The following WASHC3 variants were observed in gnomAD, a reference collection of about 807,000 sequenced individuals.
WASHC3 encodes WASH complex subunit CCDC53.
In WASHC3, 24 loss-of-function variants were observed where a neutral mutation model predicts 26.1. The ratio of observed to expected loss-of-function variants is 0.92; its 90% CI spans 0.66 to 1.29. The LOEUF is 1.29. Among genes scored for constraint, WASHC3 ranks in the 50% most tolerant of loss-of-function variants. The pLI is 0.00. For missense variants in WASHC3, 214 were observed against 229.6 expected, an observed-to-expected ratio of 0.93 and a Z score of 0.44; for synonymous variants, 77 against 75.7, an observed-to-expected ratio of 1.02 and a Z score of -0.09.
chr12:102,062,101 C>T, upstream of WASHC3: 1 of 668,548 alleles, frequency 1.5e-6, no homozygotes, highest in South Asian at 1.9e-5. Flanking sequence ...AGCTTCTCCG[C>T]TCACTAATCA....
chr12:102,042,146 T>C (rs964419022), intron 4 of WASHC3, among the ~76,000 whole-genome samples: 1 of 152,176 alleles, frequency 6.6e-6, no homozygotes, highest in Non-Finnish European at 1.5e-5. Context: ...ATATTCTTTA[T>C]AGACGCTTTA....
rs1876543003 is a variant in WASHC3 at position 102,013,027 on chromosome 12, C to T, written c.*81G>A. On this transcript the variant is annotated 3_prime_UTR_variant, in exon 7 of 7. Transcript: ENST00000240079. ...ATGTGGCCATTTGATGTTTTTATGA[C>T]TAAGAGAGTTCAGGCTCAATCTCTT... The T allele has an allele frequency of 4.6e-6, 3 of 646,138 alleles. No homozygotes were observed. Among genetic ancestry groups the T allele is most frequent in the East Asian group, 2.9e-5 (1 of 34,388 alleles). The allele number at this position is 646,138 out of a possible 1,614,324, so 40.0% of individuals were successfully genotyped here.
At chr12:102,014,286 T>C (rs1876607920) in intron 6 of WASHC3, among the ~76,000 whole-genome samples, 1 of 151,886 alleles carries the variant, frequency 6.6e-6, no homozygotes, top group Non-Finnish European at 1.5e-5. Context: ...TTGGCCAGGA[T>C]GGTCTTGATC....
At chr12:102,060,799 T>C (rs1333025050) in intron 2 of WASHC3, among the ~76,000 whole-genome samples, 1 of 151,370 alleles carries the variant, frequency 6.6e-6, no homozygotes, top group East Asian at 2.0e-4. Context: ...CTACTAAATA[T>C]AAAAAATTAG....
At chr12:102,058,441 T>C (rs1878675960) in intron 2 of WASHC3, among the ~76,000 whole-genome samples, 1 of 152,136 alleles carries the variant, frequency 6.6e-6, no homozygotes, top group Non-Finnish European at 1.5e-5. Flanking sequence ...AAGAAGTTTG[T>C]AGAATCTGGA....
intron 2 of WASHC3, among the ~76,000 whole-genome samples, chr12:102,052,463 C>T (rs1878430676): frequency 6.6e-6 from 1 of 152,204 alleles, no homozygotes; most frequent in Non-Finnish European, 1.5e-5. Context: ...CCCACTGGGA[C>T]CGTAGGTTCC....
In WASHC3 at chr12:102,030,017, C is replaced by T. The variant is rs1033661184; in HGVS notation, c.436-3979G>A. On this transcript the variant is annotated intron_variant, in intron 5 of 6. Transcript: ENST00000240079. ...TATTTAAAAAATACTTTACTGAGGC[C>T]GGGCGCAGTGGTTCATGCCTGTAAT... Among the ~76,000 whole-genome samples the T allele has an allele frequency of 4.6e-5, 7 of 152,154 alleles. No homozygotes were observed. The East Asian group carries it at 1.2e-3, about 25-fold the overall frequency.
chr12:102,013,585 G>A (rs1876574808), intron 6 of WASHC3, among the ~76,000 whole-genome samples: 1 of 152,110 alleles, frequency 6.6e-6, no homozygotes, highest in Non-Finnish European at 1.5e-5. Context: ...GAAAAGAAAA[G>A]GAAATGCTTC....
intron 4 of WASHC3, among the ~76,000 whole-genome samples, chr12:102,042,428 G>A (rs186701063): frequency 4.9e-4 from 75 of 152,180 alleles, no homozygotes; most frequent in African/African-American, 1.7e-3. Context: ...TTGAATACAG[G>A]TACTGAAAAC....
At chr12:102,034,161 C>A (rs1877554013) in intron 5 of WASHC3, among the ~76,000 whole-genome samples, 1 of 151,960 alleles carries the variant, frequency 6.6e-6, no homozygotes, top group African/African-American at 2.4e-5. Context: ...TATCTATATC[C>A]CCCTGAACCC....
intron 5 of WASHC3, among the ~76,000 whole-genome samples, chr12:102,037,909 C>T (rs1240071670): frequency 6.6e-6 from 1 of 152,066 alleles, no homozygotes; most frequent in Non-Finnish European, 1.5e-5. Context: ...GATTCTCCTG[C>T]CTCAGCCTCC....
chr12:102,047,347 A>C (rs1297128142), intron 2 of WASHC3, among the ~76,000 whole-genome samples: 1 of 152,190 alleles, frequency 6.6e-6, no homozygotes, highest in African/African-American at 2.4e-5. Flanking sequence ...AAAAAACTGA[A>C]AGTGGCCACA....
At position 102,025,956 on chromosome 12, in the gene WASHC3, AT is replaced by A; in HGVS notation, c.500+17del. ...AATGTCCTGGCAATAATATCATTAT[AT>A]TAGAAGAATTACTTACTCAAGAAGA... On this transcript the variant is annotated intron_variant, in intron 6 of 6. Coordinates refer to ENST00000240079, the MANE Select transcript of WASHC3 (RefSeq NM_016053.4). The A allele has an allele frequency of 8.2e-7, 1 of 1,216,470 alleles. No homozygotes were observed. The highest frequency in any genetic ancestry group is 1.2e-6 in the Non-Finnish European group (1 of 850,770). 75.4% of individuals were successfully genotyped at this position (1,216,470 alleles called of 1,614,324 possible).
chr12:102,045,781 A>G (rs1356170990), intron 3 of WASHC3, among the ~76,000 whole-genome samples: 2 of 152,382 alleles, frequency 1.3e-5, no homozygotes, highest in East Asian at 3.9e-4. Context: ...AGTGAACTAG[A>G]TAACAGCTCA....
At chr12:102,053,484 G>A (rs1878473112) in intron 2 of WASHC3, among the ~76,000 whole-genome samples, 1 of 152,200 alleles carries the variant, frequency 6.6e-6, no homozygotes, top group African/African-American at 2.4e-5. Flanking sequence ...AAGCCAGTCT[G>A]CAAAGACTGG....
At chr12:102,055,998 T>C (rs1215655082) in intron 2 of WASHC3, among the ~76,000 whole-genome samples, 1 of 152,248 alleles carries the variant, frequency 6.6e-6, no homozygotes, top group Non-Finnish European at 1.5e-5. Flanking sequence ...CTACAGTAGT[T>C]CTTCAAGCAG....
chr12:102,026,647 G>T (rs1189798896), intron 5 of WASHC3, among the ~76,000 whole-genome samples: 1 of 152,128 alleles, frequency 6.6e-6, no homozygotes, highest in Non-Finnish European at 1.5e-5. Flanking sequence ...CAGAGTTCAG[G>T]TTAAGAATAT....
At chr12:102,016,669 C>G (rs926717828) in intron 6 of WASHC3, among the ~76,000 whole-genome samples, 1 of 152,098 alleles carries the variant, frequency 6.6e-6, no homozygotes, top group African/African-American at 2.4e-5. Flanking sequence ...TTTAGTCAGA[C>G]AGGATATGGA....
chr12:102,048,097 T>C (rs909582152), intron 2 of WASHC3, among the ~76,000 whole-genome samples: 1 of 152,208 alleles, frequency 6.6e-6, no homozygotes, highest in Non-Finnish European at 1.5e-5. Flanking sequence ...AATGATCAAT[T>C]CGTTTCTCAC....
Sources: allele counts gnomAD v4.1 joint callset (sites outside exome capture counted in the v4.1 genomes callset), GRCh38; gene constraint gnomAD v4.1.1; transcripts MANE v1.5; gene names NCBI Gene and HGNC (gene_info 2026-07-23, HGNC 2026-07-21).